AFF3: variants seen among roughly 807,000 people sequenced by gnomAD.
The protein encoded by AFF3 is AF4/FMR2 family member 3.
In AFF3, 32 loss-of-function variants were observed where a neutral mutation model predicts 129.7. That is an observed-to-expected ratio of 0.25 (90% CI 0.19 to 0.33). The LOEUF (loss-of-function observed/expected upper bound fraction) is 0.33, where lower values mean the gene tolerates loss of function less well. Among genes scored for constraint, AFF3 ranks in the 10% least tolerant of loss-of-function variants. The pLI is 1.00. For synonymous variants in AFF3, 644 were observed against 635.4 expected (o/e 1.01, Z -0.20); for missense variants, 1,373 against 1,592.0 (o/e 0.86, Z 2.34).
chr2:99,564,224 A>C (rs1675762454), intron 20 of AFF3, among the ~76,000 whole-genome samples: 3 of 151,572 alleles, frequency 2.0e-5, no homozygotes, highest in South Asian at 2.1e-4. Flanking sequence ...AACCCAAAAA[A>C]CTCCCTGTGC....
intron 8 of AFF3, among the ~76,000 whole-genome samples, chr2:99,768,587 G>A (rs1433644014): frequency 6.6e-6 from 1 of 152,212 alleles, no homozygotes; most frequent in East Asian, 1.9e-4. Flanking sequence ...ACTGTTACCA[G>A]TGAGTTTTAT....
intron 7 of AFF3, among the ~76,000 whole-genome samples, chr2:99,982,267 C>T (rs1346790734): frequency 1.3e-5 from 2 of 152,124 alleles, no homozygotes; most frequent in Admixed American, 6.5e-5. Flanking sequence ...CTTTCCCGTG[C>T]CGTTCTCGTG....
intron 4 of AFF3, among the ~76,000 whole-genome samples, chr2:100,020,752 C>T (rs115853499): frequency 0.021 from 3,144 of 152,328 alleles, 118 homozygotes; most frequent in African/African-American, 0.072. Context: ...TCTGCACTGC[C>T]AACTCCTTGG....
intron 4 of AFF3, among the ~76,000 whole-genome samples, chr2:100,013,288 C>T (rs917262874): frequency 6.6e-6 from 1 of 152,174 alleles, no homozygotes; most frequent in Non-Finnish European, 1.5e-5. Flanking sequence ...ACGGTAACAG[C>T]ATGAAACTAA....
At chr2:99,864,860 A>C (rs1251679649) in intron 7 of AFF3, among the ~76,000 whole-genome samples, 1 of 152,232 alleles carries the variant, frequency 6.6e-6, no homozygotes, top group Non-Finnish European at 1.5e-5. Flanking sequence ...GGCAGAGTTC[A>C]GCATCATGAA....
chr2:99,824,920 AC>A (rs1687959632), intron 8 of AFF3, among the ~76,000 whole-genome samples: 2 of 152,110 alleles, frequency 1.3e-5, no homozygotes, highest in Admixed American at 1.3e-4. Context: ...AGTCTAAACA[AC>A]CCCAGCGGTG....
chr2:100,013,355 T>A (rs1682715752), intron 4 of AFF3, among the ~76,000 whole-genome samples: 1 of 152,222 alleles, frequency 6.6e-6, no homozygotes, highest in African/African-American at 2.4e-5. Context: ...CTCAAAACAT[T>A]TCACCTATAT....
chr2:99,933,220 T>G (rs562358390), intron 7 of AFF3, among the ~76,000 whole-genome samples: 321 of 152,276 alleles, frequency 2.1e-3, no homozygotes, highest in Non-Finnish European at 3.7e-3. Context: ...AAACACAACA[T>G]TCTGAAAATC....
At chr2:100,033,323 A>G (rs1684659784) in intron 4 of AFF3, among the ~76,000 whole-genome samples, 1 of 152,240 alleles carries the variant, frequency 6.6e-6, no homozygotes. Context: ...GGAAGCATTA[A>G]AAGAGAAAGA....
intron 7 of AFF3, among the ~76,000 whole-genome samples, chr2:99,908,712 A>T (rs1410443237): frequency 6.6e-6 from 1 of 152,240 alleles, no homozygotes; most frequent in South Asian, 2.1e-4. Flanking sequence ...CAGCCAAAAA[A>T]CACATGAAAA....
At chr2:99,679,286 C>T (rs1249361067) in intron 11 of AFF3, among the ~76,000 whole-genome samples, 1 of 152,310 alleles carries the variant, frequency 6.6e-6, no homozygotes, top group East Asian at 1.9e-4. Flanking sequence ...CATCCATGAT[C>T]CTGTAACTCT....
At chr2:99,988,307 C>A (rs1353267263) in intron 7 of AFF3, among the ~76,000 whole-genome samples, 1 of 152,156 alleles carries the variant, frequency 6.6e-6, no homozygotes, top group Non-Finnish European at 1.5e-5. Context: ...TGAGTAGATG[C>A]ATATTTCTGG....
In AFF3 at chr2:99,727,105, T is replaced by A. The variant is rs1679421300; in HGVS notation, c.1063A>T (p.Ser355Cys). 6.2e-7 allele frequency: 1 copy of A among 1,610,550 alleles called. No homozygotes were observed. Among genetic ancestry groups the A allele is most frequent in the Admixed American group, 1.7e-5 (1 of 59,244 alleles). Residue 355 changes from serine to cysteine, a missense_variant, in exon 11 of 25, where the codon AGT becomes TGT. By Grantham distance (112) the Ser-to-Cys change is moderately radical (BLOSUM62 -1). Around this residue, in one of 9 missense-constraint regions of AFF3, gnomAD observed 413 missense variants for 424.4 expected, o/e 0.97. Transcript: ENST00000672756. ...GTATTCGATGTGCCATTGTCTGGAC[T>A]CTCTGGCTCTGCATCACCTTTCTCT... Reference protein sequence around the residue: ...NPKKGDAEPESPDNGTSNTSM... With the variant: ...NPKKGDAEPECPDNGTSNTSM...
At chr2:99,810,481 G>A (rs1272925788) in intron 8 of AFF3, among the ~76,000 whole-genome samples, 1 of 152,258 alleles carries the variant, frequency 6.6e-6, no homozygotes, top group Non-Finnish European at 1.5e-5. Flanking sequence ...CTACAGCAAA[G>A]CAGAGGATTA....
At chr2:99,645,550 G>T (rs529745767) in intron 13 of AFF3, among the ~76,000 whole-genome samples, 1 of 152,146 alleles carries the variant, frequency 6.6e-6, no homozygotes, top group African/African-American at 2.4e-5. Flanking sequence ...TGTCACTGCT[G>T]GGCGGGAGGC....
chr2:100,062,692 C>T (rs1282811396), intron 4 of AFF3, among the ~76,000 whole-genome samples: 1 of 152,168 alleles, frequency 6.6e-6, no homozygotes, highest in Non-Finnish European at 1.5e-5. Flanking sequence ...AAAGCAAAAG[C>T]AAATACTCTG....
At chr2:99,942,542 A>T (rs202124007) in intron 7 of AFF3, among the ~76,000 whole-genome samples, 1 of 7,740 alleles carries the variant, frequency 1.3e-4, no homozygotes, top group African/African-American at 5.9e-4. Context: ...AAGTGGGGGG[A>T]GGGGCGGGGG....
intron 8 of AFF3, among the ~76,000 whole-genome samples, chr2:99,796,349 T>C (rs967336305): frequency 2.0e-5 from 3 of 152,230 alleles, no homozygotes; most frequent in Non-Finnish European, 2.9e-5. Context: ...ATTTATTACA[T>C]TGTGTCATAA....
intron 7 of AFF3, among the ~76,000 whole-genome samples, chr2:99,903,820 T>A (rs1393820019): frequency 6.6e-6 from 1 of 152,176 alleles, no homozygotes; most frequent in Non-Finnish European, 1.5e-5. Context: ...AACAACCTGC[T>A]GATGCTGCCA....
Sources: gnomAD v4.1 joint callset for allele counts (sites outside exome capture counted in the v4.1 genomes callset) on GRCh38, gnomAD v4.1.1 for gene constraint, gnomAD v4.1.1 regional missense constraint, MANE v1.5 for transcripts, NCBI Gene and HGNC (gene_info 2026-07-23, HGNC 2026-07-21) for gene names.